RFX2: variants seen among roughly 807,000 people sequenced by gnomAD.
RFX2 encodes the protein regulatory factor X2.
Under a neutral mutation model 87.8 loss-of-function variants are expected in RFX2, and 20 were observed. That is an observed-to-expected ratio of 0.23 (90% CI 0.16 to 0.33). The LOEUF (loss-of-function observed/expected upper bound fraction) is 0.33, where lower values mean the gene tolerates loss of function less well. RFX2 is among the 10% of genes least tolerant of loss of function. RFX2 has a pLI of 1.00. For synonymous variants in RFX2, 397 were observed against 431.3 expected, an observed-to-expected ratio of 0.92 and a Z score of 0.98; for missense variants, 767 against 1,012.3, an observed-to-expected ratio of 0.76 and a Z score of 3.29.
intron 4 of RFX2, among the ~76,000 whole-genome samples, chr19:6,041,286 C>T (rs1407962311): frequency 6.6e-6 from 1 of 152,146 alleles, no homozygotes; most frequent in Non-Finnish European, 1.5e-5. Flanking sequence ...CCAATCACAA[C>T]CCTGAAGTCA....
intron 12 of RFX2, among the ~76,000 whole-genome samples, chr19:6,005,942 A>G (rs1352222935): frequency 6.6e-6 from 1 of 152,182 alleles, no homozygotes; most frequent in Non-Finnish European, 1.5e-5. Flanking sequence ...CCTCCCGCAC[A>G]GTGACGGCTC....
At position 6,001,927 on chromosome 19, in the gene RFX2, G is replaced by C. The variant is rs1251257330; in HGVS notation, c.1747C>G (p.Gln583Glu). The C allele has an allele frequency of 1.2e-6, 2 of 1,612,944 alleles. No individual in the cohort carries two copies. The highest frequency in any genetic ancestry group is 1.7e-5 in the Admixed American group (1 of 60,016). ...LTLQQQSSLDQWASWLDSVVT... is the reference protein window; with the variant it reads ...LTLQQQSSLDEWASWLDSVVT... ...ACACTGTCCAGCCAGCTGGCCCACT[G>C]GTCCAGGGAGCTCTGCTGCTGCAGG... Residue 583 changes from glutamine to glutamate, a missense_variant, in exon 15 of 18, where the codon CAG becomes GAG. This residue lies in a region of RFX2 where 621 missense variants were observed against 873.0 expected (regional missense o/e 0.71). Coordinates refer to ENST00000303657, the MANE Select transcript of RFX2 (RefSeq NM_000635.4). This position sits in a 1 kb window ranked among gnomAD's most constrained non-coding sequence, Gnocchi z 5.6.
At chr19:6,090,370 C>CAAAAAA (rs1169384189) in intron 1 of RFX2, among the ~76,000 whole-genome samples, 1 of 56,574 alleles carries the variant, frequency 1.8e-5, no homozygotes, top group Admixed American at 2.0e-4. Flanking sequence ...GACTCTGTCT[C>CAAAAAA]AAAAAAAAAA....
intron 1 of RFX2, among the ~76,000 whole-genome samples, chr19:6,095,402 A>G (rs1458063715): frequency 1.3e-5 from 2 of 152,344 alleles, no homozygotes; most frequent in East Asian, 3.9e-4. Context: ...ACAGTTAGAC[A>G]TGGCCTCTAT....
chr19:6,001,608 G>C lies in RFX2; in HGVS notation c.1859+207C>G, dbSNP rs991656832. Among the ~76,000 whole-genome samples, 1 of 152,166 alleles carries C rather than the reference G, an allele frequency of 6.6e-6. No individual in the cohort carries two copies. Among genetic ancestry groups the C allele is most frequent in the Admixed American group, 6.5e-5 (1 of 15,280 alleles). On this transcript the variant is annotated intron_variant, in intron 15 of 17. Transcript: ENST00000303657. This position sits in a 1 kb window ranked among gnomAD's most constrained non-coding sequence, Gnocchi z 5.6. ...ACTTGCAACTTAGTATTTAGGCCAC[G>C]GTGGCCTTCTGGGCCTGCCCCTGGG...
At chr19:6,008,451 C>A (rs2086618139) in intron 9 of RFX2, among the ~76,000 whole-genome samples, 1 of 151,270 alleles carries the variant, frequency 6.6e-6, no homozygotes, top group Non-Finnish European at 1.5e-5. Context: ...CGGTTCACTG[C>A]AACCTCCAGC....
intron 1 of RFX2, chr19:6,057,196 C>T (rs554909952): frequency 6.6e-5 from 10 of 152,318 alleles, no homozygotes; most frequent in Admixed American, 1.3e-4. Flanking sequence ...GTCAAACGCG[C>T]CAGTGGGAAC....
In RFX2 at chr19:6,007,180, G is replaced by A. The variant is rs1231731384; in HGVS notation, c.1248-14C>T. On this transcript the variant is annotated splice_polypyrimidine_tract_variant and intron_variant, in intron 11 of 17. Transcript: ENST00000303657. The surrounding 1 kb of genome is among the most constrained non-coding windows in gnomAD (Gnocchi z 8.2). ...GGGTCTTCGTCACTGTGGAGGGAGGGGGGACAGGTGAGCTGTGGCCTGGCC... is the reference window on the plus strand; with the variant it reads ...GGGTCTTCGTCACTGTGGAGGGAGGAGGGACAGGTGAGCTGTGGCCTGGCC... 1.2e-6 allele frequency: 2 copies of A among 1,611,482 alleles called. No homozygotes were observed. The highest frequency in any genetic ancestry group is 8.5e-7 in the Non-Finnish European group (1 of 1,178,892).
chr19:6,107,731 A>G (rs2144921780), intron 1 of RFX2, among the ~76,000 whole-genome samples: 1 of 152,226 alleles, frequency 6.6e-6, no homozygotes, highest in Non-Finnish European at 1.5e-5. Flanking sequence ...TGCTAATGTA[A>G]AACTAAACAA....
At position 6,002,079 on chromosome 19, in the gene RFX2, C is replaced by T. The variant is rs554227974; in HGVS notation, c.1651-56G>A. On this transcript the variant is annotated intron_variant, in intron 14 of 17. Coordinates refer to ENST00000303657, the MANE Select transcript of RFX2 (RefSeq NM_000635.4). This position sits in a 1 kb window ranked among gnomAD's most constrained non-coding sequence, Gnocchi z 6.7. ...ATGTGGACCCCCAGCCACGGCAGCC[C>T]TCCCTGGACCTAGCCATGCTCAGGG... is the stretch of plus-strand genomic sequence containing the variant. 1 of 1,454,008 alleles carries T rather than the reference C, an allele frequency of 6.9e-7. No individual in the cohort carries two copies. The highest frequency in any genetic ancestry group is 9.3e-7 in the Non-Finnish European group (1 of 1,076,224). 90.1% of individuals were successfully genotyped at this position (1,454,008 alleles called of 1,614,324 possible).
intron 1 of RFX2, among the ~76,000 whole-genome samples, chr19:6,089,916 G>GAGATAACATCTTTGGATTGTTTGTATA (rs1353766118): frequency 6.6e-6 from 1 of 152,156 alleles, no homozygotes; most frequent in Non-Finnish European, 1.5e-5. Flanking sequence ...ATTATTATAT[G>GAGATAACATCTTTGGATTGTTTGTATA]AGATAACATC....
Position 6,026,137 on chromosome 19 carries a change from G to C in RFX2, c.597+26C>G, listed in dbSNP as rs780008491. The C allele has an allele frequency of 2.5e-6, 4 of 1,591,640 alleles. No homozygotes were observed. In the Admixed American group the frequency reaches 5.1e-5, roughly 20 times the overall value. On this transcript the variant is annotated intron_variant, in intron 6 of 17. Coordinates refer to ENST00000303657, the MANE Select transcript of RFX2 (RefSeq NM_000635.4). This position sits in a 1 kb window ranked among gnomAD's most constrained non-coding sequence, Gnocchi z 4.5. ...GCAGGTTACAAGCAGAGCAGGGACAGGTTGCCAGGTCAGACGCACACTTAC... is the reference window on the plus strand; with the variant it reads ...GCAGGTTACAAGCAGAGCAGGGACACGTTGCCAGGTCAGACGCACACTTAC...
chr19:6,023,367 C>T lies in RFX2; in HGVS notation c.597+2796G>A, dbSNP rs1261145363. On this transcript the variant is annotated intron_variant, in intron 6 of 17. Coordinates refer to ENST00000303657, the MANE Select transcript of RFX2 (RefSeq NM_000635.4). This position sits in a 1 kb window ranked among gnomAD's most constrained non-coding sequence, Gnocchi z 4.9. Reference sequence around the variant, plus strand: ...CCGCTGCCCACCACGACCTCAGTCTCAGCCACAGGCAGCCCTGGGGACAAT... The same window carrying T: ...CCGCTGCCCACCACGACCTCAGTCTTAGCCACAGGCAGCCCTGGGGACAAT... Among the ~76,000 whole-genome samples, 1 of 152,254 alleles carries T rather than the reference C, an allele frequency of 6.6e-6. No individual in the cohort carries two copies. The highest frequency in any genetic ancestry group is 1.9e-4 in the East Asian group (1 of 5,198).
intron 3 of RFX2, among the ~76,000 whole-genome samples, chr19:6,042,791 G>A (rs969171898): frequency 6.6e-6 from 1 of 152,202 alleles, no homozygotes; most frequent in Non-Finnish European, 1.5e-5. Flanking sequence ...TCAGAGCCTC[G>A]GCTGACAGGC....
chr19:6,084,065 G>T (rs958499532), intron 1 of RFX2, among the ~76,000 whole-genome samples: 1 of 152,120 alleles, frequency 6.6e-6, no homozygotes, highest in Non-Finnish European at 1.5e-5. Flanking sequence ...TGTGGGAATC[G>T]TCTGTGAGTG....
At chr19:6,108,624 C>CT (rs1438480001) in intron 1 of RFX2, among the ~76,000 whole-genome samples, 1 of 152,150 alleles carries the variant, frequency 6.6e-6, no homozygotes, top group African/African-American at 2.4e-5. Flanking sequence ...GAAGCCTGCG[C>CT]TGGTCATTTA....
At chr19:6,107,616 C>CAAAAAAAAAAAAAAAAAAAAAAAAA (rs1156483792) in intron 1 of RFX2, among the ~76,000 whole-genome samples, 2 of 31,556 alleles carry the variant, frequency 6.3e-5, no homozygotes, top group African/African-American at 1.2e-4. Flanking sequence ...GACCCTGTCT[C>CAAAAAAAAAAAAAAAAAAAAAAAAA]AAAAAAAAAA....
Position 6,010,855 on chromosome 19 carries a change from G to A in RFX2, c.900-604C>T, listed in dbSNP as rs1449449804. Among the ~76,000 whole-genome samples the A allele has an allele frequency of 1.3e-5, 2 of 152,162 alleles. No homozygotes were observed. Among genetic ancestry groups the A allele is most frequent in the Non-Finnish European group, 2.9e-5 (2 of 68,036 alleles). On this transcript the variant is annotated intron_variant, in intron 8 of 17. Coordinates refer to ENST00000303657, the MANE Select transcript of RFX2 (RefSeq NM_000635.4). The surrounding 1 kb of genome is among the most constrained non-coding windows in gnomAD (Gnocchi z 5.0). Reference sequence around the variant, plus strand: ...TTCTTGGCCGGGCGCAGGGGCTCACGCCTGTAATCCCAGTGCTTTGGGAGG... The same window carrying A: ...TTCTTGGCCGGGCGCAGGGGCTCACACCTGTAATCCCAGTGCTTTGGGAGG...
chr19:5,995,620 C>T lies in RFX2; in HGVS notation c.2037G>A (p.Ser679=), dbSNP rs370511208. The part of the protein sequence containing the change: ...MGEFNDLASL[S]LTLLDKDDMG... ...ACCTACCTTTGTCGAGCAGCGTCAG[C>T]GACAGAGAGGCGAGATCGTTGAACT... Residue 679 remains serine (S), a synonymous_variant, in exon 17 of 18, where the codon TCG becomes TCA. Coordinates refer to ENST00000303657, the MANE Select transcript of RFX2 (RefSeq NM_000635.4). The T allele has an allele frequency of 8.4e-6, 13 of 1,552,434 alleles. No homozygotes were observed. Among genetic ancestry groups the T allele is most frequent in the African/African-American group, 4.1e-5 (3 of 73,086 alleles).
Sources: allele counts gnomAD v4.1 joint callset (sites outside exome capture counted in the v4.1 genomes callset), GRCh38; gene constraint gnomAD v4.1.1; regional missense constraint gnomAD v4.1.1; non-coding constraint Gnocchi (gnomAD v3.1); transcripts MANE v1.5; gene names NCBI Gene and HGNC (gene_info 2026-07-23, HGNC 2026-07-21).